The following AGBL1 variants were observed in gnomAD, a reference collection of about 807,000 sequenced individuals.
AGBL1 encodes the protein cytosolic carboxypeptidase 4.
In AGBL1, 130 loss-of-function variants were observed where a neutral mutation model predicts 118.9. The ratio of observed to expected loss-of-function variants is 1.09; its 90% CI spans 0.95 to 1.26. AGBL1 has a LOEUF of 1.26. AGBL1 is among the 50% of genes most tolerant of loss of function. The pLI is 0.00. For missense variants in AGBL1, 1,584 were observed against 1,298.1 expected (o/e 1.22, Z -3.38); for synonymous variants, 555 against 478.9 (o/e 1.16, Z -2.08).
intron 22 of AGBL1, among the ~76,000 whole-genome samples, chr15:86,754,287 C>T (rs2077900726): frequency 1.3e-5 from 2 of 152,082 alleles, no homozygotes; most frequent in South Asian, 2.1e-4. Context: ...GCAGATATAT[C>T]TTGCTTGCCC....
intron 18 of AGBL1, among the ~76,000 whole-genome samples, chr15:86,484,510 T>A (rs2082690310): frequency 6.6e-6 from 1 of 152,108 alleles, no homozygotes; most frequent in Non-Finnish European, 1.5e-5. Flanking sequence ...GGTTTTTGAT[T>A]ATGTGACTAA....
intron 22 of AGBL1, among the ~76,000 whole-genome samples, chr15:86,848,758 T>C (rs898589744): frequency 5.9e-5 from 9 of 152,192 alleles, no homozygotes; most frequent in Admixed American, 2.6e-4. Flanking sequence ...TAAATTTCCA[T>C]GGAAGAAATT....
intron 22 of AGBL1, among the ~76,000 whole-genome samples, chr15:86,857,405 C>T (rs1212973005): frequency 6.6e-6 from 1 of 152,200 alleles, no homozygotes; most frequent in Non-Finnish European, 1.5e-5. Flanking sequence ...CTCGAGCCCA[C>T]ATCCATGCCT....
chr15:86,175,596 T>A (rs1251518228), intron 5 of AGBL1, among the ~76,000 whole-genome samples: 3 of 152,194 alleles, frequency 2.0e-5, no homozygotes, highest in Non-Finnish European at 4.4e-5. Context: ...CACTAAATTG[T>A]TTATTTGAAA....
At chr15:86,661,726 A>T (rs1394911430) in intron 21 of AGBL1, among the ~76,000 whole-genome samples, 1 of 152,008 alleles carries the variant, frequency 6.6e-6, no homozygotes, top group African/African-American at 2.4e-5. Context: ...TAAACTGGAG[A>T]TAGGGAGCTG....
At chr15:86,941,388 A>T (rs2080749804) in intron 23 of AGBL1, among the ~76,000 whole-genome samples, 1 of 152,220 alleles carries the variant, frequency 6.6e-6, no homozygotes, top group African/African-American at 2.4e-5. Context: ...GAATTGGAGT[A>T]ATCAGGAATT....
In AGBL1 at chr15:86,984,267, T is replaced by G. The variant is rs535373117; in HGVS notation, c.3222-3720T>G. 2.0e-5 allele frequency among the ~76,000 whole-genome samples: 3 copies of G among 152,288 alleles called. No homozygotes were observed. In the South Asian group the frequency reaches 6.2e-4, roughly 32 times the overall value. ...ACTAATGATGTTGAATATCTTTTTA[T>G]GTATTTATTGATCATTCGTAGATCT... On this transcript the variant is annotated intron_variant, in intron 23 of 24. Coordinates refer to the AGBL1 transcript ENST00000441037.
At chr15:86,384,855 G>T (rs1339978782) in intron 17 of AGBL1, among the ~76,000 whole-genome samples, 1 of 152,202 alleles carries the variant, frequency 6.6e-6, no homozygotes, top group Non-Finnish European at 1.5e-5. Context: ...TTTGAAATTG[G>T]ATAGTTTTGT....
chr15:86,698,871 C>T (rs1562980), intron 22 of AGBL1, among the ~76,000 whole-genome samples: 5,024 of 151,990 alleles, frequency 0.033, 115 homozygotes, highest in Middle Eastern at 0.092. Context: ...AGGTTAAGAT[C>T]ATTACTGAAA....
chr15:86,253,694 C>G (rs755728213), intron 7 of AGBL1, among the ~76,000 whole-genome samples: 2 of 152,156 alleles, frequency 1.3e-5, no homozygotes, highest in Admixed American at 6.5e-5. Context: ...TGACCCGATA[C>G]AGTTTATGTG....
chr15:86,201,068 A>G (rs1361281371), intron 5 of AGBL1, among the ~76,000 whole-genome samples: 1 of 152,224 alleles, frequency 6.6e-6, no homozygotes, highest in Non-Finnish European at 1.5e-5. Context: ...TATGTATTCA[A>G]TGATACACAT....
intron 18 of AGBL1, among the ~76,000 whole-genome samples, chr15:86,465,427 G>A (rs1412361538): frequency 6.6e-6 from 1 of 152,146 alleles, no homozygotes; most frequent in Non-Finnish European, 1.5e-5. Context: ...AAAAGAACAG[G>A]ATAACAGAGA....
chr15:86,387,127 T>A (rs576322293), intron 17 of AGBL1, among the ~76,000 whole-genome samples: 16 of 152,152 alleles, frequency 1.1e-4, no homozygotes, highest in African/African-American at 3.9e-4. Flanking sequence ...TTGTACACAG[T>A]TGCATAGATG....
rs1449375094 is a variant in AGBL1 at position 86,095,646 on chromosome 15, CCTTTTT to C, written c.51+15624_51+15629del. The stretch of plus-strand genomic sequence containing the variant: ...TCATAATGTCACATGACCTTGGATA[CCTTTTT>C]TTTTTTTTTTTTTTTTTTTTTTTAC... On this transcript the variant is annotated intron_variant, in intron 1 of 22. Transcript: ENST00000614907. Among the ~76,000 whole-genome samples, 216 of 116,678 alleles carry C rather than the reference CCTTTTT, an allele frequency of 1.9e-3. 14 individuals are homozygous for C. In the East Asian group the frequency reaches 0.023, roughly 12 times the overall value. The allele number at this position is 116,678 out of a possible 152,430, so 76.5% of individuals were successfully genotyped here.
At chr15:86,275,291 G>T (rs1446107874) in intron 15 of AGBL1, among the ~76,000 whole-genome samples, 6 of 152,186 alleles carry the variant, frequency 3.9e-5, no homozygotes, top group African/African-American at 1.4e-4. Flanking sequence ...TCATGAAGAT[G>T]AATGTCATAC....
intron 23 of AGBL1, among the ~76,000 whole-genome samples, chr15:86,945,660 G>A (rs1471880837): frequency 2.0e-5 from 3 of 152,142 alleles, no homozygotes; most frequent in Non-Finnish European, 2.9e-5. Flanking sequence ...ACAAGAGAGT[G>A]AGACCCCATC....
intron 21 of AGBL1, among the ~76,000 whole-genome samples, chr15:86,582,010 A>G (rs572264197): frequency 6.6e-6 from 1 of 152,222 alleles, no homozygotes; most frequent in South Asian, 2.1e-4. Context: ...CACTTTTGAC[A>G]TTTTGGGCTG....
intron 22 of AGBL1, among the ~76,000 whole-genome samples, chr15:86,832,118 C>T (rs994192421): frequency 6.6e-6 from 1 of 152,192 alleles, no homozygotes; most frequent in Non-Finnish European, 1.5e-5. Context: ...CGAGACTGCA[C>T]AAAGCAGCAG....
In AGBL1 at chr15:86,385,263, C is replaced by T. The variant is rs184044665; in HGVS notation, c.2375-12103C>T. On this transcript the variant is annotated intron_variant, in intron 17 of 22. Coordinates refer to ENST00000614907, the MANE Select transcript of AGBL1 (RefSeq NM_001386094.1). ...AAATATATTATTAAAATTAATTTCACCTTACATTGCTTTTTAAAAATGTGG... is the reference window on the plus strand; with the variant it reads ...AAATATATTATTAAAATTAATTTCATCTTACATTGCTTTTTAAAAATGTGG... 1.1e-3 allele frequency among the ~76,000 whole-genome samples: 173 copies of T among 152,232 alleles called. 2 individuals are homozygous for T. Among genetic ancestry groups the T allele is most frequent in the African/African-American group, 3.7e-3 (155 of 41,538 alleles).
Sources: gnomAD v4.1 joint callset for allele counts (sites outside exome capture counted in the v4.1 genomes callset) on GRCh38, gnomAD v4.1.1 for gene constraint, MANE v1.5 for transcripts, NCBI Gene and HGNC (gene_info 2026-07-23, HGNC 2026-07-21) for gene names.